The following LUC7L2 variants were observed in gnomAD, a reference collection of about 807,000 sequenced individuals.
LUC7L2 encodes the protein putative RNA-binding protein Luc7-like 2.
A neutral mutation model predicts 52.8 loss-of-function variants in LUC7L2; 25 were observed. The ratio of observed to expected loss-of-function variants is 0.47; its 90% confidence interval spans 0.34 to 0.66. The LOEUF (loss-of-function observed/expected upper bound fraction) is 0.66, where lower values mean the gene tolerates loss of function less well. LUC7L2 is among the 30% of genes least tolerant of loss of function. The pLI, the probability that LUC7L2 is intolerant of heterozygous loss-of-function variation, is 0.01. For synonymous variants in LUC7L2, 144 were observed against 160.9 expected, an observed-to-expected ratio of 0.89 and a Z score of 0.80; for missense variants, 328 against 497.8, an observed-to-expected ratio of 0.66 and a Z score of 3.25.
intron 1 of LUC7L2, among the ~76,000 whole-genome samples, chr7:139,342,911 A>G (rs1336512939): frequency 1.3e-5 from 2 of 152,182 alleles, no homozygotes; most frequent in East Asian, 3.8e-4. Context: ...CATAGGGGAA[A>G]TGGTTTCTGT....
intron 1 of LUC7L2, among the ~76,000 whole-genome samples, chr7:139,340,784 T>C (rs1037411827): frequency 1.3e-5 from 2 of 151,186 alleles, no homozygotes; most frequent in South Asian, 2.1e-4. Context: ...CCTGTGACTT[T>C]TGTCCTTTTT....
intron 7 of LUC7L2, among the ~76,000 whole-genome samples, chr7:139,411,976 G>A (rs1795379518): frequency 6.6e-6 from 1 of 152,152 alleles, no homozygotes. Flanking sequence ...ATGAAATCCA[G>A]TGAGCTTCAA....
chr7:139,395,016 A>T (rs1235418529), intron 2 of LUC7L2, among the ~76,000 whole-genome samples: 2 of 152,212 alleles, frequency 1.3e-5, no homozygotes, highest in Non-Finnish European at 2.9e-5. Context: ...ATATTATGTA[A>T]AAGTTCCCCA....
chr7:139,375,492 C>T, intron 1 of LUC7L2: 1 of 985,544 alleles, frequency 1.0e-6, no homozygotes, highest in Non-Finnish European at 1.2e-6. Context: ...TCTACCCTCT[C>T]TAACTCCTCC....
At chr7:139,406,581 T>TGAC (rs1476233417) in intron 5 of LUC7L2, among the ~76,000 whole-genome samples, 3 of 151,844 alleles carry the variant, frequency 2.0e-5, no homozygotes, top group Non-Finnish European at 4.4e-5. Context: ...CTTGAACTCC[T>TGAC]GACCTGGGGT....
rs568298983 is a variant in LUC7L2, at chr7:139,360,225, G to T, written c.-37G>T. 11 of 1,522,490 alleles carry T rather than the reference G, an allele frequency of 7.2e-6. No individual in the cohort carries two copies. The African/African-American group carries it at 1.4e-4, about 19-fold the overall frequency. 94.3% of individuals were successfully genotyped at this position (1,522,490 alleles called of 1,614,324 possible). ...CCCAGCCCAAAAGGGCCCGGTCTGCGCCCCACCCCCGCCCGTCCGCCCGCT... is the reference window on the plus strand; with the variant it reads ...CCCAGCCCAAAAGGGCCCGGTCTGCTCCCCACCCCCGCCCGTCCGCCCGCT... On this transcript the variant is annotated 5_prime_UTR_variant, in exon 1 of 10. Transcript: ENST00000354926.
At chr7:139,411,609 A>G (rs1427944772) in intron 7 of LUC7L2, among the ~76,000 whole-genome samples, 1 of 152,088 alleles carries the variant, frequency 6.6e-6, no homozygotes, top group East Asian at 1.9e-4. Context: ...GCTTTCAACA[A>G]TGCTATATAT....
In LUC7L2 at chr7:139,402,149, C is replaced by T. The variant is rs1279476525; in HGVS notation, c.268C>T (p.Leu90=). ...TTAAACTTTGTAGGCCATGGATCAT[C>T]TGCAGTCATTCATTGCAGATTGTGA... ...FFFELDAMDH[L]QSFIADCDRR... Residue 90 remains leucine, a synonymous_variant, in exon 4 of 10, where the codon CTG becomes TTG. Transcript: ENST00000354926. The T allele has an allele frequency of 6.3e-7, 1 of 1,599,146 alleles. No individual in the cohort carries two copies. The highest frequency in any genetic ancestry group is 2.3e-5 in the East Asian group (1 of 44,378).
intron 2 of LUC7L2, among the ~76,000 whole-genome samples, chr7:139,384,004 C>T (rs1179849784): frequency 1.3e-5 from 2 of 151,402 alleles, no homozygotes; most frequent in Non-Finnish European, 2.9e-5. Context: ...CCCACCTTGG[C>T]GCCTCCCAAA....
chr7:139,412,675 T>C, intron 8 of LUC7L2, 95 bp downstream of exon 8: 1 of 1,478,850 alleles, frequency 6.8e-7, no homozygotes, highest in South Asian at 1.3e-5. Context: ...AAAAATTTTC[T>C]TTTTTGGCTG....
chr7:139,362,291 A>G (rs1033930474), intron 1 of LUC7L2, among the ~76,000 whole-genome samples: 4 of 152,164 alleles, frequency 2.6e-5, no homozygotes, highest in African/African-American at 9.7e-5. Flanking sequence ...TTAATTCTAT[A>G]TATGCAAAAT....
At chr7:139,399,886 G>A (rs188298049) in intron 3 of LUC7L2, among the ~76,000 whole-genome samples, 22 of 148,542 alleles carry the variant, frequency 1.5e-4, no homozygotes, top group South Asian at 4.2e-4. Flanking sequence ...TATGAAAATC[G>A]TTTGCATAAA....
At chr7:139,409,302 A>T (rs1411109883) in intron 6 of LUC7L2, among the ~76,000 whole-genome samples, 2 of 141,976 alleles carry the variant, frequency 1.4e-5, no homozygotes, top group Non-Finnish European at 3.1e-5. Context: ...GTTTTCACTT[A>T]AAAAAAAAAA....
rs531176168 is a variant in LUC7L2 at position 139,376,823 on chromosome 7, G to A, written c.156+667G>A. Reference sequence around the variant, plus strand: ...CCCTTCATAGTTGCATCTGATGCTGGTGGGGAGCTAGTAGGGGCTAAACCT... The same window carrying A: ...CCCTTCATAGTTGCATCTGATGCTGATGGGGAGCTAGTAGGGGCTAAACCT... On this transcript the variant is annotated intron_variant, in intron 2 of 9. Coordinates refer to ENST00000354926, the MANE Select transcript of LUC7L2 (RefSeq NM_016019.5). Among the ~76,000 whole-genome samples the A allele has an allele frequency of 2.0e-5, 3 of 152,308 alleles. 1 individual carries two copies. In the South Asian group the frequency reaches 6.2e-4, roughly 32 times the overall value.
chr7:139,412,974 T>G (rs1302258804), intron 8 of LUC7L2: 1 of 153,250 alleles, frequency 6.5e-6, no homozygotes, highest in Non-Finnish European at 1.4e-5. Context: ...TTGAAAACAT[T>G]AGTAGGTTAA....
intron 2 of LUC7L2, chr7:139,392,487 T>C (rs1040252673): frequency 5.1e-6 from 2 of 389,408 alleles, no homozygotes; most frequent in Non-Finnish European, 1.0e-5. Flanking sequence ...GGTATAGTTA[T>C]TTGGTCCACA....
chr7:139,354,714 TTGAG>T (rs1388032929), intron 1 of LUC7L2, among the ~76,000 whole-genome samples: 1 of 152,196 alleles, frequency 6.6e-6, no homozygotes, highest in Non-Finnish European at 1.5e-5. Flanking sequence ...GAGCTGCACT[TTGAG>T]TGAGCTATAG....
intron 3 of LUC7L2, among the ~76,000 whole-genome samples, chr7:139,401,866 C>T (rs564662652): frequency 2.0e-5 from 3 of 150,778 alleles, no homozygotes; most frequent in East Asian, 2.0e-4. Context: ...GTGTTCCTTC[C>T]GCCTCAGCCT....
intron 1 of LUC7L2, among the ~76,000 whole-genome samples, chr7:139,361,158 A>G (rs537168370): frequency 3.9e-5 from 6 of 152,362 alleles, no homozygotes; most frequent in African/African-American, 1.2e-4. Flanking sequence ...AAATAAAATG[A>G]TGAAATGCTG....
Sources: gnomAD v4.1 joint callset for allele counts (sites outside exome capture counted in the v4.1 genomes callset) on GRCh38, gnomAD v4.1.1 for gene constraint, MANE v1.5 for transcripts, NCBI Gene and HGNC (gene_info 2026-07-23, HGNC 2026-07-21) for gene names.